MEMO1: variants seen among roughly 807,000 people sequenced by gnomAD.
The protein encoded by MEMO1 is protein MEMO1.
A neutral mutation model predicts 45.2 loss-of-function variants in MEMO1; 6 were observed. That is an observed-to-expected ratio of 0.13 (90% CI 0.07 to 0.26). MEMO1 has a LOEUF of 0.26. Ranked by LOEUF, MEMO1 falls within the 10% of genes least tolerant of loss-of-function variation. The pLI, the probability that MEMO1 is intolerant of heterozygous loss-of-function variation, is 1.00. For missense variants in MEMO1, 184 were observed against 370.5 expected (o/e 0.50, Z 4.13); for synonymous variants, 78 against 124.3 (o/e 0.63, Z 2.48).
chr2:31,981,114 T>C (rs1670584060), intron 2 of MEMO1, among the ~76,000 whole-genome samples: 1 of 152,194 alleles, frequency 6.6e-6, no homozygotes, highest in Non-Finnish European at 1.5e-5. Flanking sequence ...CAGAATCATA[T>C]ACAGAGTTTT....
intron 2 of MEMO1, among the ~76,000 whole-genome samples, chr2:31,979,312 G>A (rs888733094): frequency 2.0e-5 from 3 of 152,124 alleles, no homozygotes; most frequent in Non-Finnish European, 2.9e-5. Context: ...GGGACACAAT[G>A]CCTAACTATA....
chr2:31,984,538 A>C (rs139841834), intron 2 of MEMO1, among the ~76,000 whole-genome samples: 114 of 152,312 alleles, frequency 7.5e-4, no homozygotes, highest in African/African-American at 2.5e-3. Flanking sequence ...GGCTGTGCGC[A>C]GTGGCTCACA....
chr2:31,892,754 G>T (rs1217030549), intron 6 of MEMO1, among the ~76,000 whole-genome samples: 1 of 152,106 alleles, frequency 6.6e-6, no homozygotes, highest in Non-Finnish European at 1.5e-5. Flanking sequence ...AAGGAAGTAA[G>T]TTTTAATTTC....
chr2:31,874,918 C>T (rs967288492), intron 8 of MEMO1, among the ~76,000 whole-genome samples: 2 of 151,244 alleles, frequency 1.3e-5, no homozygotes, highest in Non-Finnish European at 3.0e-5. Context: ...AGCAAGTGTA[C>T]ATATATATAT....
At chr2:31,956,757 A>C (rs1667457188) in intron 2 of MEMO1, among the ~76,000 whole-genome samples, 1 of 152,222 alleles carries the variant, frequency 6.6e-6, no homozygotes, top group South Asian at 2.1e-4. Context: ...ACACAACAGA[A>C]GGTACAATAC....
At chr2:31,912,226 C>T (rs1444889377) in intron 6 of MEMO1, among the ~76,000 whole-genome samples, 2 of 152,042 alleles carry the variant, frequency 1.3e-5, no homozygotes, top group African/African-American at 4.8e-5. Context: ...ATCCCAGCTA[C>T]TTGGGAGGCT....
At chr2:31,943,737 G>A (rs1665887118) in intron 2 of MEMO1, among the ~76,000 whole-genome samples, 1 of 152,118 alleles carries the variant, frequency 6.6e-6, no homozygotes, top group African/African-American at 2.4e-5. Flanking sequence ...ATATGTTATA[G>A]AGCACCAAAA....
intron 6 of MEMO1, among the ~76,000 whole-genome samples, chr2:31,893,844 C>T (rs1047793854): frequency 2.0e-5 from 3 of 152,210 alleles, no homozygotes; most frequent in Admixed American, 6.5e-5. Context: ...TCAGTTTGAG[C>T]TTACAAATCT....
chr2:31,953,683 C>T (rs62142079), intron 2 of MEMO1, among the ~76,000 whole-genome samples: 63,174 of 151,714 alleles, frequency 0.42, 13,516 homozygotes, highest in Admixed American at 0.47. Flanking sequence ...TCTTGAACTC[C>T]TGACCTCAAA....
At chr2:31,906,875 T>G (rs1224200679) in intron 6 of MEMO1, among the ~76,000 whole-genome samples, 2 of 152,120 alleles carry the variant, frequency 1.3e-5, no homozygotes, top group African/African-American at 4.8e-5. Context: ...AGACAAGGTG[T>G]AAGATAATAG....
intron 6 of MEMO1, among the ~76,000 whole-genome samples, chr2:31,911,099 T>C (rs1168030311): frequency 1.3e-5 from 2 of 151,484 alleles, no homozygotes; most frequent in Non-Finnish European, 2.9e-5. Flanking sequence ...AAGGTAGATA[T>C]TAATTAAATA....
At chr2:31,951,517 G>GTTT (rs201608134) in intron 2 of MEMO1, among the ~76,000 whole-genome samples, 2 of 139,168 alleles carry the variant, frequency 1.4e-5, no homozygotes. Flanking sequence ...TCACTTAATG[G>GTTT]TTTTTTTTTT....
At position 32,010,290 on chromosome 2, in the gene MEMO1, A is replaced by AGGCGGCGGC. The variant is rs765824290; in HGVS notation, c.-17-35_-17-27dup. On this transcript the variant is annotated intron_variant, in intron 1 of 9. Transcript: ENST00000404530. ...CTATGGTGCACGAGGATGAATGAGG[A>AGGCGGCGGC]GGCGGCGGCGGCGGCGGCAGGAGCG... The AGGCGGCGGC allele has an allele frequency of 1.8e-5, 24 of 1,345,970 alleles. No homozygotes were observed. The African/African-American group carries it at 1.8e-4, about 10-fold the overall frequency. 83.4% of individuals were successfully genotyped at this position (1,345,970 alleles called of 1,614,324 possible).
chr2:31,969,349 CAT>C lies in MEMO1; in HGVS notation c.62-25968_62-25967del, dbSNP rs557116880. On this transcript the variant is annotated intron_variant, in intron 2 of 9. Transcript: ENST00000404530. ...TATGTGTGTATATATACACATTATACATATATATGTTACGTGTATATATATAC... is the reference window on the plus strand; with the variant it reads ...TATGTGTGTATATATACACATTATACATATATGTTACGTGTATATATATAC... Among the ~76,000 whole-genome samples, 519 of 143,296 alleles carry C rather than the reference CAT, an allele frequency of 3.6e-3. 1 individual carries two copies. Among genetic ancestry groups the C allele is most frequent in the African/African-American group, 6.8e-3 (253 of 37,216 alleles). 94.0% of individuals were successfully genotyped at this position (143,296 alleles called of 152,430 possible).
At chr2:31,964,151 G>C (rs1668337285) in intron 2 of MEMO1, among the ~76,000 whole-genome samples, 1 of 152,012 alleles carries the variant, frequency 6.6e-6, no homozygotes, top group Non-Finnish European at 1.5e-5. Flanking sequence ...AAATACATGA[G>C]ACAGAAAAAC....
chr2:31,962,395 GAAGAA>G (rs933416875), intron 2 of MEMO1, among the ~76,000 whole-genome samples: 27 of 152,074 alleles, frequency 1.8e-4, no homozygotes, highest in African/African-American at 5.3e-4. Flanking sequence ...TGCCAAAAAA[GAAGAA>G]AAGAAAAGAA....
intron 7 of MEMO1, among the ~76,000 whole-genome samples, chr2:31,884,359 A>G (rs576868248): frequency 2.0e-5 from 3 of 150,210 alleles, no homozygotes; most frequent in African/African-American, 4.8e-5. Flanking sequence ...TTACTTTTGT[A>G]TTTCCTTAAT....
rs570692575 is a variant in MEMO1, at chr2:31,920,638, A to G, written c.325+160T>C. On this transcript the variant is annotated intron_variant, in intron 5 of 9. Coordinates refer to ENST00000404530, the MANE Select transcript of MEMO1 (RefSeq NM_001301833.4). Reference sequence around the variant, plus strand: ...ACTAGTTGCCTTTTAGGGATATGGAAGAGTTTCTTTTTTTGCTGTTTTATG... The same window carrying G: ...ACTAGTTGCCTTTTAGGGATATGGAGGAGTTTCTTTTTTTGCTGTTTTATG... 1.2e-4 allele frequency among the ~76,000 whole-genome samples: 18 copies of G among 152,284 alleles called. No individual in the cohort carries two copies. The East Asian group carries it at 3.3e-3, about 28-fold the overall frequency.
In MEMO1 at chr2:31,972,335, A is replaced by G. The variant is rs150109658; in HGVS notation, c.62-28952T>C. On this transcript the variant is annotated intron_variant, in intron 2 of 9. Transcript: ENST00000404530. ...AAAACATACCAAATTAAGAAATGAT[A>G]TAACAACAACAAAAAATTAAAAGCT... Among the ~76,000 whole-genome samples the G allele has an allele frequency of 2.4e-3, 370 of 152,372 alleles. 2 individuals carry two copies. The highest frequency in any genetic ancestry group is 0.014 in the Admixed American group (215 of 15,306).
Sources: allele counts gnomAD v4.1 joint callset (sites outside exome capture counted in the v4.1 genomes callset), GRCh38; gene constraint gnomAD v4.1.1; transcripts MANE v1.5; gene names NCBI Gene and HGNC (gene_info 2026-07-23, HGNC 2026-07-21).